The following KCNIP4 variants were observed in gnomAD, a reference collection of about 807,000 sequenced individuals.
The protein encoded by KCNIP4 is Kv channel-interacting protein 4.
In KCNIP4, 12 loss-of-function variants were observed where a neutral mutation model predicts 34.0. The observed-to-expected ratio is 0.35, with a 90% confidence interval of 0.23 to 0.57. KCNIP4 has a LOEUF of 0.57. Ranked by LOEUF, KCNIP4 falls within the 20% of genes least tolerant of loss-of-function variation. The pLI, the probability that KCNIP4 is intolerant of heterozygous loss-of-function variation, is 0.83. For synonymous variants in KCNIP4, 124 were observed against 102.2 expected (o/e 1.21, Z -1.29); for missense variants, 238 against 311.7 (o/e 0.76, Z 1.78).
At chr4:21,047,439 T>C (rs1742531491) in intron 1 of KCNIP4, among the ~76,000 whole-genome samples, 1 of 152,216 alleles carries the variant, frequency 6.6e-6, no homozygotes, top group African/African-American at 2.4e-5. Context: ...TGATGAGTTT[T>C]GTACACATAT....
chr4:21,174,859 C>G (rs1199049872), intron 1 of KCNIP4, among the ~76,000 whole-genome samples: 1 of 149,700 alleles, frequency 6.7e-6, no homozygotes, highest in Non-Finnish European at 1.5e-5. Flanking sequence ...GAGATTGCAC[C>G]ATTGCACTCC....
intron 1 of KCNIP4, among the ~76,000 whole-genome samples, chr4:21,918,966 T>A (rs551191056): frequency 6.6e-6 from 1 of 152,260 alleles, no homozygotes; most frequent in African/African-American, 2.4e-5. Context: ...TTACCTATAA[T>A]TGACCCCAGT....
intron 1 of KCNIP4, among the ~76,000 whole-genome samples, chr4:21,243,760 A>C (rs2109057024): frequency 6.6e-6 from 1 of 152,266 alleles, no homozygotes; most frequent in Non-Finnish European, 1.5e-5. Flanking sequence ...ATATCTCTTG[A>C]TTGTCTGAGC....
intron 3 of KCNIP4, among the ~76,000 whole-genome samples, chr4:20,820,770 G>A (rs1717003620): frequency 6.6e-6 from 1 of 152,194 alleles, no homozygotes; most frequent in African/African-American, 2.4e-5. Flanking sequence ...GTGGGACTTT[G>A]AGGCTTACTA....
chr4:20,971,539 T>C (rs1183712685), intron 1 of KCNIP4, among the ~76,000 whole-genome samples: 1 of 152,174 alleles, frequency 6.6e-6, no homozygotes, highest in Non-Finnish European at 1.5e-5. Flanking sequence ...CTATTAAGTG[T>C]GCAATAGCAT....
intron 1 of KCNIP4, among the ~76,000 whole-genome samples, chr4:21,796,639 T>C (rs2109244108): frequency 6.6e-6 from 1 of 152,346 alleles, no homozygotes; most frequent in Middle Eastern, 3.4e-3. Flanking sequence ...CTCTAAGCCA[T>C]CATCTATATG....
chr4:21,372,394 T>TAGATAGATAGA (rs1560339719), intron 1 of KCNIP4, among the ~76,000 whole-genome samples: 2 of 60,498 alleles, frequency 3.3e-5, no homozygotes, highest in Non-Finnish European at 6.9e-5. Context: ...AGATAGATAG[T>TAGATAGATAGA]TAGATAGACA....
At chr4:21,889,843 T>A (rs1222849511) in intron 1 of KCNIP4, among the ~76,000 whole-genome samples, 1 of 152,186 alleles carries the variant, frequency 6.6e-6, no homozygotes, top group Admixed American at 6.5e-5. Context: ...AACTATGTAC[T>A]CAGTAATGCC....
At chr4:21,100,197 G>A (rs369071197) in intron 1 of KCNIP4, among the ~76,000 whole-genome samples, 2 of 152,142 alleles carry the variant, frequency 1.3e-5, no homozygotes, top group Admixed American at 6.5e-5. Context: ...TGCATGCAAC[G>A]GAAAAATCTT....
intron 1 of KCNIP4, among the ~76,000 whole-genome samples, chr4:21,626,312 T>G (rs1286229076): frequency 6.6e-6 from 1 of 152,020 alleles, no homozygotes; most frequent in Non-Finnish European, 1.5e-5. Flanking sequence ...TAGGGTTAGA[T>G]GAGGCCACGA....
At chr4:21,606,272 C>T (rs940860893) in intron 1 of KCNIP4, among the ~76,000 whole-genome samples, 8 of 151,942 alleles carry the variant, frequency 5.3e-5, no homozygotes, top group African/African-American at 1.9e-4. Context: ...CATTGAGACT[C>T]GATATGTATG....
chr4:21,518,559 T>A (rs358565), intron 1 of KCNIP4, among the ~76,000 whole-genome samples: 132,976 of 152,090 alleles, frequency 0.87, 58,337 homozygotes, highest in East Asian at 0.99. Context: ...CTGAGGACAC[T>A]GAAAGGACCT....
rs1577733017 is a variant in KCNIP4, at chr4:21,123,896, C to T, written c.62-241187G>A. ...GAAGATGGCCAACACCAGAACATAA[C>T]CACGCTGGCACCCTGTGCTCAGACT... On this transcript the variant is annotated intron_variant, in intron 1 of 8. Transcript: ENST00000382152. Among the ~76,000 whole-genome samples the T allele has an allele frequency of 3.3e-5, 5 of 152,242 alleles. No individual in the cohort carries two copies. In the South Asian group the frequency reaches 1.0e-3, roughly 32 times the overall value.
At chr4:21,945,062 T>C (rs964223508) in intron 1 of KCNIP4, among the ~76,000 whole-genome samples, 1 of 152,164 alleles carries the variant, frequency 6.6e-6, no homozygotes, top group African/African-American at 2.4e-5. Context: ...CACATTCTGT[T>C]ATGTATTATT....
In KCNIP4 at chr4:21,371,195, G is replaced by A. The variant is rs1034694018; in HGVS notation, c.62-488486C>T. ...CTAGTAAAAATGAGGATCTTTAAGG[G>A]TTTTAGGTACAGGAATGAAATATTC... On this transcript the variant is annotated intron_variant, in intron 1 of 8. Transcript: ENST00000382152. 1.2e-4 allele frequency among the ~76,000 whole-genome samples: 18 copies of A among 145,358 alleles called. 5 individuals are homozygous for A. The highest frequency in any genetic ancestry group is 5.1e-4 in the African/African-American group (18 of 35,462).
chr4:21,112,305 T>A (rs532510412), intron 1 of KCNIP4, among the ~76,000 whole-genome samples: 46 of 152,304 alleles, frequency 3.0e-4, no homozygotes, highest in African/African-American at 1.1e-3. Flanking sequence ...AGCGTTGGAC[T>A]TTTGGGTCTT....
chr4:21,687,062 C>T (rs987881251), intron 1 of KCNIP4, among the ~76,000 whole-genome samples: 3 of 144,352 alleles, frequency 2.1e-5, no homozygotes, highest in Non-Finnish European at 3.0e-5. Context: ...AGTAAACTAT[C>T]GCAAGAACAA....
intron 1 of KCNIP4, among the ~76,000 whole-genome samples, chr4:21,263,679 A>AT (rs907465958): frequency 5.9e-5 from 9 of 151,840 alleles, no homozygotes; most frequent in Non-Finnish European, 1.0e-4. Context: ...TTTTAATTTT[A>AT]TTTTTTGCGA....
chr4:20,812,538 G>A (rs190315229), intron 3 of KCNIP4, among the ~76,000 whole-genome samples: 3 of 152,068 alleles, frequency 2.0e-5, no homozygotes, highest in Non-Finnish European at 4.4e-5. Context: ...TTTTCATGTC[G>A]CAATATGCTT....
Sources: gnomAD v4.1 joint callset for allele counts (sites outside exome capture counted in the v4.1 genomes callset) on GRCh38, gnomAD v4.1.1 for gene constraint, MANE v1.5 for transcripts, NCBI Gene and HGNC (gene_info 2026-07-23, HGNC 2026-07-21) for gene names.